Variants in TTC34 observed in about 807,000 individuals in gnomAD.
The protein encoded by TTC34 is tetratricopeptide repeat domain 34.
Under a neutral mutation model 40.7 loss-of-function variants are expected in TTC34, and 44 were observed. The observed-to-expected ratio is 1.08, with a 90% CI of 0.85 to 1.39. The LOEUF is 1.39. TTC34 is among the 40% of genes most tolerant of loss of function. TTC34 has a pLI of 0.00. For missense variants in TTC34, 884 were observed against 838.0 expected (o/e 1.05, Z -0.68); for synonymous variants, 422 against 398.6 (o/e 1.06, Z -0.70).
intron 6 of TTC34, among the ~76,000 whole-genome samples, chr1:2,683,261 G>T (rs1382012369): frequency 6.7e-6 from 1 of 149,398 alleles, no homozygotes; most frequent in Non-Finnish European, 1.5e-5. Context: ...GTTTGCAGCA[G>T]CACCCACACC....
intron 6 of TTC34, among the ~76,000 whole-genome samples, chr1:2,695,693 ACAGCC>A (rs1640830225): frequency 9.2e-5 from 14 of 151,378 alleles, no homozygotes; most frequent in Non-Finnish European, 1.5e-4. Flanking sequence ...TGAGCATCTG[ACAGCC>A]TGGAACAGCA....
At chr1:2,653,240 C>CA in intron 6 of TTC34, among the ~76,000 whole-genome samples, 1 of 150,634 alleles carries the variant, frequency 6.6e-6, no homozygotes, top group East Asian at 1.9e-4. Context: ...TGGAACAGCA[C>CA]CCACATGCCC....
chr1:2,760,552 G>A (rs1368415357), intron 6 of TTC34, among the ~76,000 whole-genome samples: 1 of 34,728 alleles, frequency 2.9e-5, no homozygotes, highest in Admixed American at 3.5e-4. Context: ...ACAGCCTGGA[G>A]CAGCACCCAC....
At chr1:2,647,081 C>G (rs772450857) in intron 6 of TTC34, among the ~76,000 whole-genome samples, 62 of 152,126 alleles carry the variant, frequency 4.1e-4, no homozygotes, top group Non-Finnish European at 6.3e-4. Context: ...TTAAGATGTT[C>G]TCTTTATCTT....
chr1:2,751,272 G>A (rs1641309620), intron 6 of TTC34, among the ~76,000 whole-genome samples: 1 of 122,946 alleles, frequency 8.1e-6, no homozygotes, highest in African/African-American at 3.5e-5. Flanking sequence ...CGACAGCCTG[G>A]AACAGCACCC....
At chr1:2,794,805 G>A (rs778144729) in intron 2 of TTC34, among the ~76,000 whole-genome samples, 17 of 152,128 alleles carry the variant, frequency 1.1e-4, no homozygotes, top group Non-Finnish European at 2.4e-4. Flanking sequence ...TTCTGGGAAT[G>A]TGAAATATTA....
chr1:2,773,418 C>A (rs1642654083), intron 6 of TTC34, among the ~76,000 whole-genome samples: 1 of 84,482 alleles, frequency 1.2e-5, no homozygotes, highest in Admixed American at 1.2e-4. Flanking sequence ...GCACCCACAC[C>A]CCCAGGTGAG....
intron 6 of TTC34, among the ~76,000 whole-genome samples, chr1:2,777,891 G>A (rs1235385305): frequency 6.6e-6 from 1 of 152,208 alleles, no homozygotes; most frequent in East Asian, 1.9e-4. Flanking sequence ...AGGAGGTTCC[G>A]GCACCTGTAG....
intron 6 of TTC34, among the ~76,000 whole-genome samples, chr1:2,655,033 G>T (rs1353682241): frequency 8.9e-6 from 1 of 112,104 alleles, no homozygotes; most frequent in East Asian, 2.9e-4. Flanking sequence ...GCATCTGACA[G>T]CCCGGAACAG....
chr1:2,748,800 C>A (rs1427069855), intron 6 of TTC34, among the ~76,000 whole-genome samples: 1 of 143,556 alleles, frequency 7.0e-6, no homozygotes, highest in Non-Finnish European at 1.5e-5. Flanking sequence ...GGAACCCACA[C>A]CCACAGGCGA....
chr1:2,750,321 C>A (rs1267222227), intron 6 of TTC34, among the ~76,000 whole-genome samples: 6 of 75,850 alleles, frequency 7.9e-5, no homozygotes, highest in Non-Finnish European at 1.3e-4. Context: ...ACTGCACCCC[C>A]ATGCCCAGGT....
chr1:2,691,443 A>G (rs141217521), intron 6 of TTC34, among the ~76,000 whole-genome samples: 37 of 50,500 alleles, frequency 7.3e-4, no homozygotes, highest in East Asian at 1.3e-3. Context: ...GCATCTGACA[A>G]CCTGGAGCAG....
rs1269033001 is a variant in TTC34 at position 2,761,101 on chromosome 1, C to A, written c.2226+22508G>T. 3.3e-5 allele frequency among the ~76,000 whole-genome samples: 2 copies of A among 60,504 alleles called. 1 individual carries two copies. Among genetic ancestry groups the A allele is most frequent in the East Asian group, 1.0e-3 (2 of 1,988 alleles). The allele number at this position is 60,504 out of a possible 152,430, so 39.7% of individuals were successfully genotyped here. A position where few individuals can be genotyped will look rare whatever the true frequency, so the allele number is the denominator to read the frequency against. Reference sequence around the variant, plus strand: ...ATCCTCACCCCAGGTGAGCATCGGACATCCTGGAGCATCACATACTCCCCC... The same window carrying A: ...ATCCTCACCCCAGGTGAGCATCGGAAATCCTGGAGCATCACATACTCCCCC... On this transcript the variant is annotated intron_variant, in intron 6 of 8. Coordinates refer to ENST00000401095, the Ensembl canonical transcript of TTC34.
exon 9 of TTC34, chr1:2,640,596 G>C (rs1638880546): frequency 6.6e-6 from 1 of 152,274 alleles, no homozygotes; most frequent in South Asian, 2.1e-4. Flanking sequence ...TGAAAGGTCA[G>C]CTTGGGGTAT....
At chr1:2,648,009 T>A (rs907143630) in intron 6 of TTC34, among the ~76,000 whole-genome samples, 1 of 152,172 alleles carries the variant, frequency 6.6e-6, no homozygotes, top group Non-Finnish European at 1.5e-5. Flanking sequence ...ATTACTGTTT[T>A]TTTTTTTTCA....
chr1:2,785,867 G>C (rs1229606742), exon 5 of TTC34: 5 of 1,543,386 alleles, frequency 3.2e-6, no homozygotes, highest in African/African-American at 2.8e-5. Context: ...TCCTTGGTGT[G>C]AACCCTGCCG....
chr1:2,789,295 G>T (rs1474306527), intron 3 of TTC34, among the ~76,000 whole-genome samples: 1 of 152,210 alleles, frequency 6.6e-6, no homozygotes, highest in East Asian at 1.9e-4. Flanking sequence ...GAAAGGCCTG[G>T]AAGGAAATGT....
chr1:2,753,374 A>C (rs1641392047), intron 6 of TTC34, among the ~76,000 whole-genome samples: 1 of 127,276 alleles, frequency 7.9e-6, no homozygotes, highest in African/African-American at 3.4e-5. Context: ...CAGCACCCAC[A>C]CCCCCAGGCG....
chr1:2,691,297 C>CT (rs1640606610), intron 6 of TTC34, among the ~76,000 whole-genome samples: 1 of 87,144 alleles, frequency 1.1e-5, no homozygotes, highest in Non-Finnish European at 2.7e-5. Context: ...GAGCAGCACC[C>CT]ACAACCCCAG....
Sources: allele counts gnomAD v4.1 joint callset (sites outside exome capture counted in the v4.1 genomes callset), GRCh38; gene constraint gnomAD v4.1.1; transcripts MANE v1.5; gene names NCBI Gene and HGNC (gene_info 2026-07-23, HGNC 2026-07-21).